The following CREB3L2 variants were observed in gnomAD, a reference collection of about 807,000 sequenced individuals.
CREB3L2 encodes cAMP responsive element binding protein 3 like 2.
CREB3L2 carries 23 observed loss-of-function variants against 57.2 expected under a neutral mutation model. That is an observed-to-expected ratio of 0.40 (90% confidence interval 0.29 to 0.57). The LOEUF (loss-of-function observed/expected upper bound fraction) is 0.57, where lower values mean the gene tolerates loss of function less well. CREB3L2 is among the 20% of genes least tolerant of loss of function. The pLI, the probability that CREB3L2 is intolerant of heterozygous loss-of-function variation, is 0.42. For missense variants in CREB3L2, 628 were observed against 634.7 expected, an observed-to-expected ratio of 0.99 and a Z score of 0.11; for synonymous variants, 268 against 265.1, an observed-to-expected ratio of 1.01 and a Z score of -0.11.
rs529203009 is a variant in CREB3L2 at position 137,906,539 on chromosome 7, G to A, written c.769-691C>T. 2.1e-3 allele frequency among the ~76,000 whole-genome samples: 326 copies of A among 152,312 alleles called. 2 individuals carry two copies. The highest frequency in any genetic ancestry group is 3.7e-3 in the Non-Finnish European group (251 of 68,018). ...CAAAACAAACCCTACCTCTCAAGCA[G>A]CTTGTGATCAAGACTGTGAGACTGA... is the stretch of plus-strand genomic sequence containing the variant. On this transcript the variant is annotated intron_variant, in intron 5 of 11. Coordinates refer to ENST00000330387, the MANE Select transcript of CREB3L2 (RefSeq NM_194071.4).
Position 137,877,945 on chromosome 7 carries a change from C to A in CREB3L2, c.*2531G>T, listed in dbSNP as rs1799195148. 1 of 227,690 alleles carries A rather than the reference C, an allele frequency of 4.4e-6. No homozygotes were observed. The highest frequency in any genetic ancestry group is 8.7e-6 in the Non-Finnish European group (1 of 114,768). 14.1% of individuals were successfully genotyped at this position (227,690 alleles called of 1,614,324 possible). The stretch of plus-strand genomic sequence containing the variant: ...CCTCCTAAAGGGACAACTGTTAGTT[C>A]CTTTAACCCACTCAAGCAAGGAGTG... On this transcript the variant is annotated 3_prime_UTR_variant, in exon 12 of 12. Transcript: ENST00000330387.
chr7:137,996,991 A>G (rs1801997871), intron 1 of CREB3L2, among the ~76,000 whole-genome samples: 1 of 152,166 alleles, frequency 6.6e-6, no homozygotes, highest in Non-Finnish European at 1.5e-5. Flanking sequence ...AAGAAAGGAG[A>G]ACATTATCAA....
chr7:137,957,971 C>T (rs1801248294), intron 1 of CREB3L2: 1 of 319,114 alleles, frequency 3.1e-6, no homozygotes, highest in African/African-American at 2.2e-5. Context: ...TGGCGTGTTC[C>T]GTCCTAGGCC....
chr7:137,922,412 AT>A (rs1800325686), intron 2 of CREB3L2, among the ~76,000 whole-genome samples: 1 of 29,466 alleles, frequency 3.4e-5, no homozygotes, highest in South Asian at 1.3e-3. Context: ...ATATATATAT[AT>A]ATGTATATAT....
chr7:137,928,011 A>G, intron 2 of CREB3L2, 139 bp downstream of exon 2: 2 of 737,934 alleles, frequency 2.7e-6, no homozygotes, highest in Admixed American at 5.6e-5. Context: ...CCACAGCCCA[A>G]GCACAAGGCC....
intron 2 of CREB3L2, among the ~76,000 whole-genome samples, chr7:137,923,459 G>C (rs1420568445): frequency 6.6e-6 from 1 of 152,186 alleles, no homozygotes; most frequent in Non-Finnish European, 1.5e-5. Context: ...CTTTGGCCGT[G>C]CATGACAGAG....
intron 4 of CREB3L2, among the ~76,000 whole-genome samples, chr7:137,912,537 C>G (rs1461198867): frequency 6.6e-6 from 1 of 152,138 alleles, no homozygotes; most frequent in East Asian, 1.9e-4. Flanking sequence ...TGTTTACAAA[C>G]AATGAATTGG....
Position 137,903,845 on chromosome 7 carries a change from G to C in CREB3L2, c.974+114C>G, listed in dbSNP as rs548102908. On this transcript the variant is annotated intron_variant, in intron 7 of 11. Coordinates refer to ENST00000330387, the MANE Select transcript of CREB3L2 (RefSeq NM_194071.4). ...GCAAACCACAGCTGATAAACCACCG[G>C]GTTTCCAAGGTGGCCAGAAAGAGGA... The C allele has an allele frequency of 7.5e-5, 65 of 867,800 alleles. No individual in the cohort carries two copies. The East Asian group carries it at 1.4e-3, about 19-fold the overall frequency. 53.8% of individuals were successfully genotyped at this position (867,800 alleles called of 1,614,324 possible). A position where few individuals can be genotyped will look rare whatever the true frequency, so the allele number is the denominator to read the frequency against.
At chr7:137,993,009 T>A (rs1007197798) in intron 1 of CREB3L2, among the ~76,000 whole-genome samples, 1 of 152,160 alleles carries the variant, frequency 6.6e-6, no homozygotes, top group African/African-American at 2.4e-5. Context: ...AGAGGGAGCA[T>A]CTGGCAAACA....
At chr7:137,912,005 C>T (rs923359148) in intron 4 of CREB3L2, among the ~76,000 whole-genome samples, 1 of 152,108 alleles carries the variant, frequency 6.6e-6, no homozygotes, top group African/African-American at 2.4e-5. Context: ...TCCAGGATTC[C>T]TAACTATGGG....
chr7:137,966,481 T>G (rs1031039298), intron 1 of CREB3L2, among the ~76,000 whole-genome samples: 1 of 152,154 alleles, frequency 6.6e-6, no homozygotes, highest in Non-Finnish European at 1.5e-5. Context: ...AAGAAGTGTA[T>G]GTTGATCCTA....
At chr7:137,957,216 C>T (rs772355087) in intron 1 of CREB3L2, among the ~76,000 whole-genome samples, 13 of 150,904 alleles carry the variant, frequency 8.6e-5, no homozygotes, top group Non-Finnish European at 1.9e-4. Context: ...CTGCTACTTC[C>T]ACAATCTAGC....
chr7:137,885,370 G>T (rs774755307), intron 9 of CREB3L2, 33 bp downstream of exon 9: 2 of 1,559,826 alleles, frequency 1.3e-6, no homozygotes, highest in African/African-American at 1.4e-5. Flanking sequence ...CAGGCCAGGG[G>T]CGGTCACTGT....
At chr7:137,935,163 CG>C (rs1800753864) in intron 1 of CREB3L2, among the ~76,000 whole-genome samples, 2 of 152,102 alleles carry the variant, frequency 1.3e-5, no homozygotes, top group Admixed American at 1.3e-4. Context: ...ACAATAATGC[CG>C]GCAAAGTGAA....
At chr7:137,969,305 T>C (rs1011830885) in intron 1 of CREB3L2, among the ~76,000 whole-genome samples, 1 of 152,000 alleles carries the variant, frequency 6.6e-6, no homozygotes, top group African/African-American at 2.4e-5. Context: ...AATAGCAGTG[T>C]ATTAATGTAA....
At chr7:137,922,628 C>A (rs371529677) in intron 2 of CREB3L2, 1 of 446,460 alleles carries the variant, frequency 2.2e-6, no homozygotes, top group Non-Finnish European at 4.5e-6. Context: ...TTGAACAACA[C>A]GGGTTTTGAA....
In CREB3L2 at chr7:137,940,087, T is replaced by C. The variant is rs548981379; in HGVS notation, c.103-11721A>G. 2.0e-5 allele frequency among the ~76,000 whole-genome samples: 3 copies of C among 152,340 alleles called. No individual in the cohort carries two copies. In the South Asian group the frequency reaches 6.2e-4, roughly 32 times the overall value. ...ATTTGCAGTTTTCAACCCTTTTACA[T>C]GCTCATTATATAAGGAAATTTGGAG... On this transcript the variant is annotated intron_variant, in intron 1 of 11. Coordinates refer to ENST00000330387, the MANE Select transcript of CREB3L2 (RefSeq NM_194071.4).
chr7:137,884,862 C>T (rs1180795583), intron 10 of CREB3L2, 133 bp downstream of exon 10: 3 of 1,327,062 alleles, frequency 2.3e-6, no homozygotes, highest in Non-Finnish European at 3.2e-6. Flanking sequence ...CTTGCCTCTT[C>T]AAAGGGAGAA....
At chr7:137,924,645 C>CT (rs958705597) in intron 2 of CREB3L2, among the ~76,000 whole-genome samples, 32 of 150,952 alleles carry the variant, frequency 2.1e-4, no homozygotes, top group South Asian at 4.2e-4. Context: ...TTCCTTCTTC[C>CT]TTTTTTTTTG....
Sources: gnomAD v4.1 joint callset for allele counts (sites outside exome capture counted in the v4.1 genomes callset) on GRCh38, gnomAD v4.1.1 for gene constraint, MANE v1.5 for transcripts, NCBI Gene and HGNC (gene_info 2026-07-23, HGNC 2026-07-21) for gene names.